The following ALOX5 variants were observed in gnomAD, a reference collection of about 807,000 sequenced individuals.
ALOX5 encodes the protein polyunsaturated fatty acid 5-lipoxygenase.
A neutral mutation model predicts 87.9 loss-of-function variants in ALOX5; 64 were observed. The ratio of observed to expected loss-of-function variants is 0.73; its 90% CI spans 0.60 to 0.90. The LOEUF is 0.90. ALOX5 is among the 40% of genes least tolerant of loss of function. The pLI, the probability that ALOX5 is intolerant of heterozygous loss-of-function variation, is 0.00. For synonymous variants in ALOX5, 388 were observed against 355.1 expected, an observed-to-expected ratio of 1.09 and a Z score of -1.04; for missense variants, 822 against 907.5, an observed-to-expected ratio of 0.91 and a Z score of 1.21.
chr10:45,382,446 G>C (rs1564410296), intron 1 of ALOX5, 37 bp from the exon 2 acceptor site: 3 of 1,612,034 alleles, frequency 1.9e-6, no homozygotes. Flanking sequence ...AGGCTCAGGA[G>C]ACCACGCATG....
chr10:45,379,881 C>A (rs570941131), intron 1 of ALOX5, among the ~76,000 whole-genome samples: 1 of 152,140 alleles, frequency 6.6e-6, no homozygotes, highest in Non-Finnish European at 1.5e-5. Flanking sequence ...CAGGGCCCAC[C>A]GAGCCTTCTA....
rs1408153136 is a variant in ALOX5, at chr10:45,440,417, C to G, written c.982-13C>G. On this transcript the variant is annotated splice_polypyrimidine_tract_variant and intron_variant, in intron 7 of 13. Transcript: ENST00000374391. ...AAATATAGCAGTGTGTTTCCTTTCC[C>G]CCAATGTATCAGCTCAACCAAATCC... 3 of 1,612,982 alleles carry G rather than the reference C, an allele frequency of 1.9e-6. No individual in the cohort carries two copies. The highest frequency in any genetic ancestry group is 2.5e-6 in the Non-Finnish European group (3 of 1,179,166).
At chr10:45,439,445 C>T (rs1488521994) in intron 7 of ALOX5, among the ~76,000 whole-genome samples, 1 of 152,224 alleles carries the variant, frequency 6.6e-6, no homozygotes, top group Admixed American at 6.5e-5. Context: ...CTGCCACCCA[C>T]CTCATTCTTT....
Position 45,395,842 on chromosome 10 carries a change from T to C in ALOX5, c.350-13T>C. On this transcript the variant is annotated splice_polypyrimidine_tract_variant and intron_variant, in intron 2 of 13. Coordinates refer to ENST00000374391, the MANE Select transcript of ALOX5 (RefSeq NM_000698.5). ...CTTCCTCAGGCTCCTCTCATGTTGTTCTTTCTTTACAGCAAAGTTGGCCCG... is the reference window on the plus strand; with the variant it reads ...CTTCCTCAGGCTCCTCTCATGTTGTCCTTTCTTTACAGCAAAGTTGGCCCG... 1.9e-6 allele frequency: 3 copies of C among 1,613,676 alleles called. No homozygotes were observed. Among genetic ancestry groups the C allele is most frequent in the Non-Finnish European group, 2.5e-6 (3 of 1,179,518 alleles).
chr10:45,402,001 G>C (rs1840715805), intron 3 of ALOX5, among the ~76,000 whole-genome samples: 1 of 151,134 alleles, frequency 6.6e-6, no homozygotes, highest in Non-Finnish European at 1.5e-5. Context: ...GCAAGAGAAT[G>C]GCGTGAACCT....
At chr10:45,428,300 A>T in intron 6 of ALOX5, 3 of 426,378 alleles carry the variant, frequency 7.0e-6, no homozygotes, top group East Asian at 4.0e-5. Context: ...CATCTATTTC[A>T]CCTAACCTCT....
At chr10:45,420,741 G>T (rs1245391648) in intron 4 of ALOX5, among the ~76,000 whole-genome samples, 2 of 152,268 alleles carry the variant, frequency 1.3e-5, no homozygotes, top group Non-Finnish European at 2.9e-5. Flanking sequence ...AGCAGGCTTT[G>T]CTCCTGCCCT....
Position 45,390,384 on chromosome 10 carries a change from G to A in ALOX5, c.350-5471G>A, listed in dbSNP as rs149762784. ...ACTCTCCACCCCAAATCAACAGAAT[G>A]TACATTCTTCTCAGCACTGCATCAC... is the stretch of plus-strand genomic sequence containing the variant. On this transcript the variant is annotated intron_variant, in intron 2 of 13. Coordinates refer to ENST00000374391, the MANE Select transcript of ALOX5 (RefSeq NM_000698.5). Among the ~76,000 whole-genome samples, 98 of 152,308 alleles carry A rather than the reference G, an allele frequency of 6.4e-4. 1 individual carries two copies. Among genetic ancestry groups the A allele is most frequent in the African/African-American group, 2.3e-3 (95 of 41,572 alleles).
intron 4 of ALOX5, among the ~76,000 whole-genome samples, chr10:45,419,110 A>G (rs986348554): frequency 6.6e-6 from 1 of 152,204 alleles, no homozygotes; most frequent in Admixed American, 6.5e-5. Context: ...GCCGCAGTGT[A>G]CGTAGAGGCG....
rs1400028957 is a variant in ALOX5 at position 45,444,031 on chromosome 10, G to A, written c.1675-85G>A. 5.5e-6 allele frequency: 8 copies of A among 1,462,792 alleles called. No homozygotes were observed. The Admixed American group carries it at 1.2e-4, about 22-fold the overall frequency. The allele number at this position is 1,462,792 out of a possible 1,614,324, so 90.6% of individuals were successfully genotyped here. A position where few individuals can be genotyped will look rare whatever the true frequency, so the allele number is the denominator to read the frequency against. The stretch of plus-strand genomic sequence containing the variant: ...GGACTGCAGGGCCCGCTGGAGTTGG[G>A]GGGCACGGGGAGGACGGGGCCCAGG... On this transcript the variant is annotated intron_variant, in intron 12 of 13. Transcript: ENST00000374391.
rs1056320124 is a variant in ALOX5, at chr10:45,443,507, G to A, written c.1543G>A (p.Val515Met). ...ELQDFVNDVY[V>M]YGMRGRKSSG... is the part of the protein sequence containing the mutation. The stretch of plus-strand genomic sequence containing the variant: ...GCAGGACTTCGTGAACGATGTCTAC[G>A]TGTACGGCATGCGGGGCCGCAAGTC... The change falls in exon 11 of 14, where the codon GTG becomes ATG. Residue 515 changes from valine (V) to methionine (M), a missense_variant. Transcript: ENST00000374391. 3.7e-6 allele frequency: 6 copies of A among 1,613,106 alleles called. No individual in the cohort carries two copies. Among genetic ancestry groups the A allele is most frequent in the East Asian group, 4.5e-5 (2 of 44,846 alleles).
At position 45,411,687 on chromosome 10, in the gene ALOX5, C is replaced by T. The variant is rs377732305; in HGVS notation, c.432-504C>T. Reference sequence around the variant, plus strand: ...GTCCCTCTCCCAGGCCACCTGCTGCCGTGTCGTCCTATTGTGAAGGCAGAA... The same window carrying T: ...GTCCCTCTCCCAGGCCACCTGCTGCTGTGTCGTCCTATTGTGAAGGCAGAA... On this transcript the variant is annotated intron_variant, in intron 3 of 13. Coordinates refer to ENST00000374391, the MANE Select transcript of ALOX5 (RefSeq NM_000698.5). Among the ~76,000 whole-genome samples the T allele has an allele frequency of 7.9e-5, 12 of 152,284 alleles. 2 individuals carry two copies. The highest frequency in any genetic ancestry group is 2.1e-4 in the South Asian group (1 of 4,822).
chr10:45,431,202 A>G (rs1008044854), intron 7 of ALOX5, among the ~76,000 whole-genome samples: 17 of 152,234 alleles, frequency 1.1e-4, no homozygotes, highest in African/African-American at 4.1e-4. Context: ...ACTTTATATG[A>G]TAAAGATAGC....
Position 45,445,586 on chromosome 10 carries a change from C to T in ALOX5, c.1924C>T (p.Leu642Phe). ...AGCCATGGCCCGATTCCGCAAGAAC[C>T]TCGAGGCCATTGTCAGCGTGATTGC... ...KEAMARFRKN[L>F]EAIVSVIAER... The change falls in exon 14 of 14, where the codon CTC (leucine) becomes TTC (phenylalanine). Residue 642 changes from leucine (L) to phenylalanine (F), a missense_variant. Transcript: ENST00000374391. 1 of 1,614,188 alleles carries T rather than the reference C, an allele frequency of 6.2e-7. No homozygotes were observed. Among genetic ancestry groups the T allele is most frequent in the Non-Finnish European group, 8.5e-7 (1 of 1,180,026 alleles).
chr10:45,442,766 G>C (rs1409389377), intron 9 of ALOX5: 5 of 441,330 alleles, frequency 1.1e-5, no homozygotes, highest in Non-Finnish European at 2.0e-5. Context: ...CTGCCCTCCT[G>C]TGGCTGGGAG....
intron 7 of ALOX5, among the ~76,000 whole-genome samples, chr10:45,431,583 A>ATTTT (rs1409788201): frequency 6.7e-6 from 1 of 148,574 alleles, no homozygotes; most frequent in Non-Finnish European, 1.5e-5. Flanking sequence ...TTATTTATTT[A>ATTTT]TTTATTTGAG....
At chr10:45,412,144 C>A (rs1352034200) in intron 3 of ALOX5, 47 bp from the exon 4 acceptor site, 2 of 1,612,246 alleles carry the variant, frequency 1.2e-6, no homozygotes, top group African/African-American at 1.3e-5. Flanking sequence ...AGGGGGCAGA[C>A]CAAAGGCTGG....
intron 8 of ALOX5, among the ~76,000 whole-genome samples, chr10:45,441,061 C>T (rs1419249633): frequency 1.3e-5 from 2 of 152,212 alleles, no homozygotes; most frequent in African/African-American, 2.4e-5. Context: ...AGCTGCCTTA[C>T]AGAATGATGG....
chr10:45,444,612 A>G (rs948933013), intron 13 of ALOX5: 1 of 346,384 alleles, frequency 2.9e-6, no homozygotes, highest in East Asian at 4.9e-5. Context: ...GGGAATGACC[A>G]AGAGTTTCCT....
Sources: gnomAD v4.1 joint callset for allele counts (sites outside exome capture counted in the v4.1 genomes callset) on GRCh38, gnomAD v4.1.1 for gene constraint, MANE v1.5 for transcripts, NCBI Gene and HGNC (gene_info 2026-07-23, HGNC 2026-07-21) for gene names.